PRR5L: variants seen among roughly 807,000 people sequenced by gnomAD.
The protein encoded by PRR5L is proline rich 5 like.
A neutral mutation model predicts 36.4 loss-of-function variants in PRR5L; 21 were observed. The observed-to-expected ratio is 0.58, with a 90% CI of 0.41 to 0.83. The LOEUF (loss-of-function observed/expected upper bound fraction) is 0.83, where lower values mean the gene tolerates loss of function less well. Among genes scored for constraint, PRR5L ranks in the 40% least tolerant of loss-of-function variants. PRR5L has a pLI of 0.00. For missense variants in PRR5L, 381 were observed against 473.3 expected (o/e 0.80, Z 1.81); for synonymous variants, 188 against 197.0 (o/e 0.95, Z 0.38).
intron 8 of PRR5L, 95 bp downstream of exon 8, chr11:36,451,430 C>T (rs897174139): frequency 7.0e-7 from 1 of 1,433,378 alleles, no homozygotes; most frequent in Non-Finnish European, 9.6e-7. Flanking sequence ...CTGATACCAG[C>T]ACTGTTTAAC....
At chr11:36,419,065 C>T (rs866641384) in intron 3 of PRR5L, among the ~76,000 whole-genome samples, 190 bp from the exon 4 acceptor site, 10 of 152,110 alleles carry the variant, frequency 6.6e-5, no homozygotes, top group African/African-American at 9.7e-5. Flanking sequence ...AACTGAGGAA[C>T]GCATCTCCTT....
intron 5 of PRR5L, among the ~76,000 whole-genome samples, chr11:36,432,518 G>C (rs1343187934): frequency 6.6e-6 from 1 of 152,122 alleles, no homozygotes; most frequent in Non-Finnish European, 1.5e-5. Flanking sequence ...TCTACCAAGG[G>C]CTACTCTTAG....
intron 3 of PRR5L, among the ~76,000 whole-genome samples, chr11:36,409,601 A>G (rs1323940684): frequency 6.6e-6 from 1 of 152,062 alleles, no homozygotes; most frequent in Admixed American, 6.5e-5. Flanking sequence ...AGTAGGGGGG[A>G]AGAGCTGGGA....
At chr11:36,413,387 C>T (rs1012750295) in intron 3 of PRR5L, among the ~76,000 whole-genome samples, 3 of 152,112 alleles carry the variant, frequency 2.0e-5, no homozygotes, top group South Asian at 2.1e-4. Context: ...CTTACTCCTG[C>T]GATTCTTTCT....
chr11:36,391,903 G>A (rs1345497553), intron 1 of PRR5L, among the ~76,000 whole-genome samples: 1 of 152,094 alleles, frequency 6.6e-6, no homozygotes, highest in African/African-American at 2.4e-5. Flanking sequence ...TCACGTACAA[G>A]ATCTTGTTCA....
At chr11:36,373,893 C>T (rs369624423) in intron 1 of PRR5L, among the ~76,000 whole-genome samples, 9 of 152,288 alleles carry the variant, frequency 5.9e-5, no homozygotes, top group Middle Eastern at 6.8e-3. Context: ...ATGTCATTTG[C>T]TGAGTACATA....
Position 36,462,773 on chromosome 11 carries a change from A to G in PRR5L, c.*37A>G. The stretch of plus-strand genomic sequence containing the variant: ...TGGGCCTTTCCATCTCCTGTTTTGC[A>G]ACCAGGATGAGGACCCCTCCATCTC... On this transcript the variant is annotated 3_prime_UTR_variant, in exon 9 of 9. Transcript: ENST00000530639. 6.6e-7 allele frequency: 1 copy of G among 1,508,278 alleles called. No homozygotes were observed. The highest frequency in any genetic ancestry group is 8.9e-7 in the Non-Finnish European group (1 of 1,129,888). 93.4% of individuals were successfully genotyped at this position (1,508,278 alleles called of 1,614,324 possible). A position where few individuals can be genotyped will look rare whatever the true frequency, so the allele number is the denominator to read the frequency against.
Position 36,437,376 on chromosome 11 carries a change from C to G in PRR5L, c.353-9C>G, listed in dbSNP as rs1415174575. On this transcript the variant is annotated splice_polypyrimidine_tract_variant and intron_variant, in intron 5 of 8. Coordinates refer to ENST00000530639, the MANE Select transcript of PRR5L (RefSeq NM_001160167.2). ...CTTCCTCCCTTCCCATCTTCTCGCC[C>G]TCTTGTAGGTGAAAATCGCATTGAG... 6.3e-7 allele frequency: 1 copy of G among 1,584,336 alleles called. No individual in the cohort carries two copies. Among genetic ancestry groups the G allele is most frequent in the African/African-American group, 1.3e-5 (1 of 74,394 alleles).
chr11:36,302,552 A>G (rs1025642333), intron 1 of PRR5L, among the ~76,000 whole-genome samples: 1 of 152,062 alleles, frequency 6.6e-6, no homozygotes, highest in African/African-American at 2.4e-5. Flanking sequence ...TTGGGAGGCC[A>G]AGGCAGGCAG....
intron 3 of PRR5L, among the ~76,000 whole-genome samples, chr11:36,409,558 A>G (rs1467441109): frequency 1.3e-5 from 2 of 152,120 alleles, no homozygotes; most frequent in African/African-American, 4.8e-5. Context: ...CATCTCTTTA[A>G]CAGAGTGTTG....
At chr11:36,365,559 C>T (rs1857136269) in intron 1 of PRR5L, among the ~76,000 whole-genome samples, 1 of 152,126 alleles carries the variant, frequency 6.6e-6, no homozygotes, top group Admixed American at 6.5e-5. Flanking sequence ...CTGCATTTTA[C>T]AGTATTGCAT....
At position 36,446,416 on chromosome 11, in the gene PRR5L, T is replaced by A. The variant is rs775715952; in HGVS notation, c.561T>A (p.Ile187=). The change falls in exon 7 of 9, where the codon ATT becomes ATA. Residue 187 remains isoleucine, a synonymous_variant. Coordinates refer to ENST00000530639, the MANE Select transcript of PRR5L (RefSeq NM_001160167.2). ...CCCAGTCCAAGCTGCCCTCGTCCAT[T>A]GTCCAGATGTTGCTCATCCTGCAGG... The part of the protein sequence containing the change: ...LLAQSKLPSS[I]VQMLLILQSV... The A allele has an allele frequency of 1.2e-6, 2 of 1,614,134 alleles. No individual in the cohort carries two copies. Among genetic ancestry groups the A allele is most frequent in the Non-Finnish European group, 1.7e-6 (2 of 1,180,034 alleles).
intron 1 of PRR5L, among the ~76,000 whole-genome samples, chr11:36,325,632 A>G (rs766059740): frequency 3.3e-5 from 5 of 152,148 alleles, no homozygotes; most frequent in East Asian, 1.9e-4. Flanking sequence ...AGCTGTCTCT[A>G]CTATCTGATT....
At chr11:36,453,502 A>G (rs331471) in intron 8 of PRR5L, among the ~76,000 whole-genome samples, 152,130 of 152,316 alleles carry the variant, frequency 1, 75,973 homozygotes, top group East Asian at 1. Flanking sequence ...CCCTGCCTCT[A>G]GAGAGTTGTC....
intron 3 of PRR5L, among the ~76,000 whole-genome samples, chr11:36,409,780 C>T (rs1033555074): frequency 2.6e-5 from 4 of 152,206 alleles, no homozygotes; most frequent in African/African-American, 9.7e-5. Context: ...ACTCCCCACA[C>T]CCTGTGAGAT....
Position 36,431,736 on chromosome 11 carries a change from C to T in PRR5L, c.295-117C>T, listed in dbSNP as rs568383129. 1.5e-4 allele frequency: 132 copies of T among 886,908 alleles called. No individual in the cohort carries two copies. In the Admixed American group the frequency reaches 2.3e-3, roughly 15 times the overall value. 54.9% of individuals were successfully genotyped at this position (886,908 alleles called of 1,614,324 possible). On this transcript the variant is annotated intron_variant, in intron 4 of 8. Coordinates refer to ENST00000530639, the MANE Select transcript of PRR5L (RefSeq NM_001160167.2). Reference sequence around the variant, plus strand: ...AAAAGGCTTCTTAAACTCCGAGGCACGGCTAGAACACAAGTGCCTAGAACT... The same window carrying T: ...AAAAGGCTTCTTAAACTCCGAGGCATGGCTAGAACACAAGTGCCTAGAACT...
chr11:36,307,465 C>G (rs903284904), intron 1 of PRR5L, among the ~76,000 whole-genome samples: 2 of 152,182 alleles, frequency 1.3e-5, no homozygotes, highest in Non-Finnish European at 2.9e-5. Context: ...GATTCAGCAG[C>G]TCAGCAATGT....
intron 8 of PRR5L, among the ~76,000 whole-genome samples, chr11:36,455,940 A>G (rs1440354292): frequency 1.3e-5 from 2 of 152,186 alleles, no homozygotes; most frequent in African/African-American, 2.4e-5. Context: ...CCCACACCCA[A>G]TCTTGGGAAT....
intron 1 of PRR5L, among the ~76,000 whole-genome samples, chr11:36,372,668 G>A (rs1565423489): frequency 6.6e-6 from 1 of 152,124 alleles, no homozygotes. Flanking sequence ...GTGGCAAACT[G>A]GAAACTGCAC....
Sources: allele counts gnomAD v4.1 joint callset (sites outside exome capture counted in the v4.1 genomes callset), GRCh38; gene constraint gnomAD v4.1.1; transcripts MANE v1.5; gene names NCBI Gene and HGNC (gene_info 2026-07-23, HGNC 2026-07-21).